ADCY2: variants seen among roughly 807,000 people sequenced by gnomAD.
The protein encoded by ADCY2 is adenylate cyclase 2.
In ADCY2, 31 loss-of-function variants were observed where a neutral mutation model predicts 125.2. The ratio of observed to expected loss-of-function variants is 0.25; its 90% CI spans 0.19 to 0.33. The LOEUF is 0.33. ADCY2 is among the 10% of genes least tolerant of loss of function. The probability of loss-of-function intolerance (pLI) is 1.00; values close to 1 mark genes in which losing one functional copy is unlikely to be tolerated. For missense variants in ADCY2, 904 were observed against 1,418.2 expected (o/e 0.64, Z 5.82); for synonymous variants, 512 against 548.4 (o/e 0.93, Z 0.93).
At chr5:7,700,310 T>A (rs1464420674) in intron 7 of ADCY2, among the ~76,000 whole-genome samples, 1 of 152,154 alleles carries the variant, frequency 6.6e-6, no homozygotes, top group African/African-American at 2.4e-5. Flanking sequence ...AAATATAAGG[T>A]AAAAGGGTAA....
intron 23 of ADCY2, among the ~76,000 whole-genome samples, chr5:7,817,425 C>G (rs1159415576): frequency 2.6e-5 from 4 of 152,266 alleles, no homozygotes; most frequent in African/African-American, 9.6e-5. Context: ...GGGCCACAAG[C>G]TGTAAGAACA....
In ADCY2 at chr5:7,547,127, C is replaced by T. The variant is rs1177015147; in HGVS notation, c.570+26228C>T. Among the ~76,000 whole-genome samples the T allele has an allele frequency of 2.6e-5, 4 of 152,166 alleles. No individual in the cohort carries two copies. The East Asian group carries it at 7.7e-4, about 29-fold the overall frequency. ...AGGAACTACACATAAATAGGATGTT[C>T]CTCAAGGGAAGGCTGGGGGTGTCAC... On this transcript the variant is annotated intron_variant, in intron 3 of 24. Coordinates refer to ENST00000338316, the MANE Select transcript of ADCY2 (RefSeq NM_020546.3).
At chr5:7,436,775 C>A (rs1026011998) in intron 2 of ADCY2, among the ~76,000 whole-genome samples, 1 of 152,228 alleles carries the variant, frequency 6.6e-6, no homozygotes, top group Non-Finnish European at 1.5e-5. Flanking sequence ...CTAAGGATAA[C>A]ATGCCAGGCG....
At chr5:7,507,298 G>A (rs1371759280) in intron 2 of ADCY2, among the ~76,000 whole-genome samples, 2 of 143,914 alleles carry the variant, frequency 1.4e-5, no homozygotes, top group Non-Finnish European at 3.0e-5. Flanking sequence ...AAAATTAGCC[G>A]GGCGTAGTGG....
At chr5:7,556,541 A>T (rs559894534) in intron 3 of ADCY2, among the ~76,000 whole-genome samples, 1 of 152,188 alleles carries the variant, frequency 6.6e-6, no homozygotes, top group Non-Finnish European at 1.5e-5. Flanking sequence ...GGGAAGTTTC[A>T]ACATTATATG....
intron 14 of ADCY2, among the ~76,000 whole-genome samples, chr5:7,729,055 G>A (rs950393772): frequency 2.0e-5 from 3 of 152,094 alleles, no homozygotes; most frequent in Admixed American, 6.5e-5. Context: ...ATTTTTGTGG[G>A]TGCACACAGG....
At chr5:7,647,044 G>C (rs921442396) in intron 4 of ADCY2, among the ~76,000 whole-genome samples, 1 of 152,124 alleles carries the variant, frequency 6.6e-6, no homozygotes, top group South Asian at 2.1e-4. Context: ...GGAAAGTTTT[G>C]TGCCCTGAAG....
intron 2 of ADCY2, among the ~76,000 whole-genome samples, chr5:7,509,084 AAAG>A (rs1284218065): frequency 2.0e-5 from 3 of 152,192 alleles, no homozygotes; most frequent in East Asian, 1.9e-4. Flanking sequence ...TTAGGGAAAA[AAAG>A]AAGGTTTGGG....
chr5:7,789,592 G>C, intron 19 of ADCY2, 50 bp from the exon 20 acceptor site: 1 of 1,549,738 alleles, frequency 6.5e-7, no homozygotes, highest in Non-Finnish European at 8.8e-7. Flanking sequence ...CCACTCTCTG[G>C]CAGGACAAGA....
chr5:7,743,835 A>G, intron 15 of ADCY2, 83 bp downstream of exon 15: 1 of 1,348,716 alleles, frequency 7.4e-7, no homozygotes, highest in Non-Finnish European at 1.1e-6. Flanking sequence ...TTCCAAAACA[A>G]GGAGCTTATT....
At chr5:7,517,363 T>C (rs1047374209) in intron 2 of ADCY2, among the ~76,000 whole-genome samples, 2 of 152,216 alleles carry the variant, frequency 1.3e-5, no homozygotes, top group African/African-American at 4.8e-5. Context: ...CATTCGACTA[T>C]CTGGAGCTTT....
intron 14 of ADCY2, among the ~76,000 whole-genome samples, chr5:7,739,348 G>A (rs1358919346): frequency 1.3e-5 from 2 of 151,736 alleles, no homozygotes; most frequent in African/African-American, 2.4e-5. Context: ...TGAAATACAA[G>A]CGAAATGTAA....
chr5:7,710,119 G>T (rs1741393779), intron 10 of ADCY2, among the ~76,000 whole-genome samples: 1 of 152,276 alleles, frequency 6.6e-6, no homozygotes, highest in South Asian at 2.1e-4. Flanking sequence ...TGATGAGAAG[G>T]AACATGCCAG....
intron 3 of ADCY2, among the ~76,000 whole-genome samples, chr5:7,586,868 C>T (rs1019062363): frequency 6.6e-6 from 1 of 152,122 alleles, no homozygotes; most frequent in African/African-American, 2.4e-5. Context: ...ACATCCATCG[C>T]CACATCTTCG....
At chr5:7,792,584 C>T (rs1744285858) in intron 20 of ADCY2, among the ~76,000 whole-genome samples, 1 of 152,126 alleles carries the variant, frequency 6.6e-6, no homozygotes, top group Non-Finnish European at 1.5e-5. Flanking sequence ...TCCTGACAGC[C>T]TCCCTGGGCC....
rs1333338619 is a variant in ADCY2, at chr5:7,789,662, A to G, written c.2490A>G (p.Leu830=). Residue 830 remains leucine (L), a synonymous_variant, in exon 20 of 25, where the codon TTA becomes TTG. Coordinates refer to ENST00000338316, the MANE Select transcript of ADCY2 (RefSeq NM_020546.3). The stretch of plus-strand genomic sequence containing the variant: ...AACAGAATGAATATTACTGTAGGTT[A>G]GACTTCTTATGGAAGAACAAATTCA... The part of the protein sequence containing the change: ...LGRQNEYYCR[L]DFLWKNKFKK... 1 of 1,614,036 alleles carries G rather than the reference A, an allele frequency of 6.2e-7. No individual in the cohort carries two copies. The highest frequency in any genetic ancestry group is 1.1e-5 in the South Asian group (1 of 91,044).
At chr5:7,732,063 G>A (rs894416843) in intron 14 of ADCY2, among the ~76,000 whole-genome samples, 3 of 152,208 alleles carry the variant, frequency 2.0e-5, no homozygotes, top group Non-Finnish European at 4.4e-5. Context: ...GTTCTGAGTT[G>A]TAATGGCATC....
At chr5:7,748,519 A>AACACACACAC (rs35989915) in intron 15 of ADCY2, among the ~76,000 whole-genome samples, 99 of 90,204 alleles carry the variant, frequency 1.1e-3, no homozygotes, top group South Asian at 4.0e-3. Context: ...CCCACCCTCC[A>AACACACACAC]ACACACACAC....
intron 3 of ADCY2, among the ~76,000 whole-genome samples, chr5:7,549,744 C>T (rs955201412): frequency 6.6e-6 from 1 of 152,138 alleles, no homozygotes; most frequent in East Asian, 1.9e-4. Flanking sequence ...CAAAAATTCT[C>T]ATTGTGCAGG....
Sources: allele counts gnomAD v4.1 joint callset (sites outside exome capture counted in the v4.1 genomes callset), GRCh38; gene constraint gnomAD v4.1.1; transcripts MANE v1.5; gene names NCBI Gene and HGNC (gene_info 2026-07-23, HGNC 2026-07-21).